MAML2: variants seen among roughly 807,000 people sequenced by gnomAD.
MAML2 encodes mastermind like transcriptional coactivator 2, also known as mastermind-like protein 2.
MAML2 carries 22 observed loss-of-function variants against 96.1 expected under a neutral mutation model. The ratio of observed to expected loss-of-function variants is 0.23; its 90% CI spans 0.16 to 0.33. The LOEUF (loss-of-function observed/expected upper bound fraction) is 0.33, where lower values mean the gene tolerates loss of function less well. Among genes scored for constraint, MAML2 ranks in the 10% least tolerant of loss-of-function variants. The pLI is 1.00. For synonymous variants in MAML2, 561 were observed against 521.3 expected, an observed-to-expected ratio of 1.08 and a Z score of -1.04; for missense variants, 1,367 against 1,392.4, an observed-to-expected ratio of 0.98 and a Z score of 0.29.
chr11:96,214,963 G>A (rs951526145), intron 1 of MAML2, among the ~76,000 whole-genome samples: 3 of 152,216 alleles, frequency 2.0e-5, no homozygotes, highest in South Asian at 2.1e-4. Context: ...CATGTGCCTC[G>A]TCTAGTTGAC....
chr11:96,169,500 T>C (rs910645753), intron 1 of MAML2, among the ~76,000 whole-genome samples: 3 of 152,206 alleles, frequency 2.0e-5, no homozygotes, highest in African/African-American at 7.2e-5. Flanking sequence ...AGGTCATCTG[T>C]AGGAAGTAAC....
At position 96,092,675 on chromosome 11, in the gene MAML2, G is replaced by T. The variant is rs778208792; in HGVS notation, c.1356C>A (p.His452Gln). Residue 452 changes from histidine to glutamine, a missense_variant, in exon 2 of 5, where the codon CAC becomes CAA. His to Gln is a conservative substitution (Grantham distance 24). Transcript: ENST00000524717. The surrounding 1 kb of genome is among the most constrained non-coding windows in gnomAD (Gnocchi z 4.1). The part of the protein sequence containing the change: ...NRQQHARMQQ[H>Q]QQQHQPTNWS... ...AGTTGGTAGGCTGGTGCTGCTGCTGGTGCTGCTGCATCCGGGCATGCTGCT... is the reference window on the plus strand; with the variant it reads ...AGTTGGTAGGCTGGTGCTGCTGCTGTTGCTGCTGCATCCGGGCATGCTGCT... 12 of 1,613,704 alleles carry T rather than the reference G, an allele frequency of 7.4e-6. No homozygotes were observed. The highest frequency in any genetic ancestry group is 1.0e-5 in the Non-Finnish European group (12 of 1,179,836).
At chr11:96,232,234 C>T (rs17240464) in intron 1 of MAML2, among the ~76,000 whole-genome samples, 10,226 of 152,224 alleles carry the variant, frequency 0.067, 443 homozygotes, top group Non-Finnish European at 0.096. Flanking sequence ...TTTCTTCAAA[C>T]GGCTGCACAG....
intron 2 of MAML2, among the ~76,000 whole-genome samples, chr11:96,021,897 A>C (rs1013710594): frequency 6.6e-5 from 10 of 152,190 alleles, no homozygotes; most frequent in Non-Finnish European, 1.5e-4. Flanking sequence ...TTTGCCTTGA[A>C]GCTGGGCTCC....
chr11:96,300,731 G>T (rs776371012), intron 1 of MAML2, among the ~76,000 whole-genome samples: 1 of 152,174 alleles, frequency 6.6e-6, no homozygotes, highest in East Asian at 1.9e-4. Flanking sequence ...TCCCTGTATC[G>T]CATGACATCC....
intron 1 of MAML2, among the ~76,000 whole-genome samples, chr11:96,275,031 A>T (rs1862968107): frequency 6.6e-6 from 1 of 152,090 alleles, no homozygotes; most frequent in Admixed American, 6.6e-5. Flanking sequence ...TATGTATTGT[A>T]TCTCAATTTT....
intron 1 of MAML2, among the ~76,000 whole-genome samples, chr11:96,185,188 G>C (rs1207222201): frequency 2.0e-5 from 3 of 148,264 alleles, no homozygotes. Context: ...CAAAACTCAG[G>C]ACAAAACTCC....
At chr11:96,331,504 A>G (rs1055797133) in intron 1 of MAML2, among the ~76,000 whole-genome samples, 1 of 152,050 alleles carries the variant, frequency 6.6e-6, no homozygotes, top group Admixed American at 6.5e-5. Flanking sequence ...TAATAAAAAA[A>G]TGAGCTTTAA....
chr11:96,034,220 G>A (rs917662790), intron 2 of MAML2, among the ~76,000 whole-genome samples: 4 of 152,218 alleles, frequency 2.6e-5, no homozygotes, highest in East Asian at 3.9e-4. Context: ...GTGGCCTGAG[G>A]GGAATGCGTC....
At chr11:96,014,051 G>A (rs545066434) in intron 2 of MAML2, among the ~76,000 whole-genome samples, 2 of 152,238 alleles carry the variant, frequency 1.3e-5, no homozygotes, top group African/African-American at 2.4e-5. Context: ...AGACATGGCC[G>A]TGGGGTCGCA....
intron 1 of MAML2, among the ~76,000 whole-genome samples, chr11:96,258,997 T>G (rs977927042): frequency 1.3e-5 from 2 of 152,182 alleles, no homozygotes; most frequent in South Asian, 4.1e-4. Context: ...CCCTGAGATT[T>G]TTTACGAAAA....
chr11:96,117,548 C>T (rs1251634940), intron 1 of MAML2, among the ~76,000 whole-genome samples: 1 of 152,108 alleles, frequency 6.6e-6, no homozygotes, highest in Non-Finnish European at 1.5e-5. Context: ...AATCTACCTG[C>T]CTTGGCCTCC....
chr11:95,991,486 G>A (rs1857910559), intron 3 of MAML2, 34 bp downstream of exon 3: 2 of 1,590,994 alleles, frequency 1.3e-6, no homozygotes, highest in Non-Finnish European at 1.7e-6. Context: ...TGGGTCAACA[G>A]GTTTGTTCAG....
chr11:96,018,656 G>C (rs1228089032), intron 2 of MAML2, among the ~76,000 whole-genome samples: 1 of 152,198 alleles, frequency 6.6e-6, no homozygotes, highest in Admixed American at 6.5e-5. Flanking sequence ...GAGTGCAGTG[G>C]CACCATCTTG....
chr11:96,204,891 A>C (rs1198875552), intron 1 of MAML2, among the ~76,000 whole-genome samples: 1 of 152,190 alleles, frequency 6.6e-6, no homozygotes, highest in Non-Finnish European at 1.5e-5. Flanking sequence ...GCTCTACTAC[A>C]TTTCATTTCT....
chr11:96,080,560 C>A (rs562549812), intron 2 of MAML2, among the ~76,000 whole-genome samples: 68 of 152,224 alleles, frequency 4.5e-4, no homozygotes, highest in African/African-American at 1.6e-3. Flanking sequence ...AAGGTAAAAT[C>A]CTTAGCAGCA....
intron 1 of MAML2, among the ~76,000 whole-genome samples, chr11:96,189,126 A>T (rs1178015198): frequency 6.6e-6 from 1 of 150,708 alleles, no homozygotes; most frequent in South Asian, 2.1e-4. Flanking sequence ...TGCACCCATT[A>T]TTCACCGGCC....
chr11:96,234,296 A>G (rs1233595895), intron 1 of MAML2, among the ~76,000 whole-genome samples: 1 of 152,154 alleles, frequency 6.6e-6, no homozygotes, highest in Non-Finnish European at 1.5e-5. Context: ...AGCCTGACCA[A>G]CGTGGAGGAA....
chr11:96,322,167 T>C (rs937661381), intron 1 of MAML2, among the ~76,000 whole-genome samples: 5 of 152,166 alleles, frequency 3.3e-5, no homozygotes, highest in African/African-American at 1.2e-4. Flanking sequence ...AGTGTTGCTA[T>C]GAAAGGCCCG....
Sources: gnomAD v4.1 joint callset for allele counts (sites outside exome capture counted in the v4.1 genomes callset) on GRCh38, gnomAD v4.1.1 for gene constraint, Gnocchi (gnomAD v3.1) non-coding constraint, MANE v1.5 for transcripts, NCBI Gene and HGNC (gene_info 2026-07-23, HGNC 2026-07-21) for gene names.